The following PIK3C2G variants were observed in gnomAD, a reference collection of about 807,000 sequenced individuals.
PIK3C2G encodes the protein phosphatidylinositol 3-kinase C2 domain-containing subunit gamma.
In PIK3C2G, 168 loss-of-function variants were observed where a neutral mutation model predicts 181.1. That is an observed-to-expected ratio of 0.93 (90% CI 0.82 to 1.05). The LOEUF (loss-of-function observed/expected upper bound fraction) is 1.05, where lower values mean the gene tolerates loss of function less well. Among genes scored for constraint, PIK3C2G ranks in the 50% least tolerant of loss-of-function variants. PIK3C2G has a pLI of 0.00. For missense variants in PIK3C2G, 1,869 were observed against 1,732.8 expected (o/e 1.08, Z -1.40); for synonymous variants, 573 against 592.2 (o/e 0.97, Z 0.47).
At chr12:18,311,380 T>C (rs895667976) in intron 5 of PIK3C2G, among the ~76,000 whole-genome samples, 2 of 152,078 alleles carry the variant, frequency 1.3e-5, no homozygotes, top group Non-Finnish European at 2.9e-5. Context: ...ATTTTATATG[T>C]AGTTATATGA....
intron 14 of PIK3C2G, among the ~76,000 whole-genome samples, chr12:18,389,218 TG>T (rs2138034162): frequency 6.6e-6 from 1 of 152,134 alleles, no homozygotes; most frequent in South Asian, 2.1e-4. Flanking sequence ...CTGGGTGTGG[TG>T]GTGGGCACCT....
At chr12:18,653,383 T>C (rs1411902405), downstream of PIK3C2G, among the ~76,000 whole-genome samples, 3 of 152,204 alleles carry the variant, frequency 2.0e-5, no homozygotes, top group Admixed American at 1.3e-4. Flanking sequence ...ATGTATATAT[T>C]ATTTCCTAGC....
the PIK3C2G span, chr12:18,683,200 G>A: frequency 2.6e-6 from 4 of 1,547,042 alleles, no homozygotes; most frequent in South Asian, 4.5e-5. Flanking sequence ...CTGTTTTATT[G>A]CGATGCATAG....
chr12:18,452,504 T>A (rs898353535), intron 18 of PIK3C2G, among the ~76,000 whole-genome samples: 40 of 151,290 alleles, frequency 2.6e-4, no homozygotes, highest in East Asian at 7.8e-4. Context: ...AATCTTTTTT[T>A]AAAAAAAAAC....
intron 26 of PIK3C2G, among the ~76,000 whole-genome samples, chr12:18,552,483 T>C (rs961157371): frequency 6.6e-6 from 1 of 152,062 alleles, no homozygotes; most frequent in Non-Finnish European, 1.5e-5. Context: ...AGCTTAACAA[T>C]TGATACCTAC....
intron 8 of PIK3C2G, among the ~76,000 whole-genome samples, chr12:18,328,172 T>G (rs1951430991): frequency 6.6e-6 from 1 of 151,902 alleles, no homozygotes; most frequent in African/African-American, 2.4e-5. Context: ...AAATGTGGTT[T>G]AGCTTCATGA....
chr12:18,322,530 C>A (rs1951159055), intron 7 of PIK3C2G, among the ~76,000 whole-genome samples: 1 of 151,876 alleles, frequency 6.6e-6, no homozygotes, highest in Non-Finnish European at 1.5e-5. Flanking sequence ...ATTATCTCAT[C>A]TAATTCTTTC....
intron 31 of PIK3C2G, among the ~76,000 whole-genome samples, chr12:18,634,299 A>T (rs1271263064): frequency 2.6e-5 from 4 of 152,188 alleles, no homozygotes; most frequent in African/African-American, 7.2e-5. Flanking sequence ...GATAAAGGAT[A>T]AGTTGTTGCA....
At chr12:18,390,427 G>T (rs1943463114) in intron 14 of PIK3C2G, among the ~76,000 whole-genome samples, 1 of 152,042 alleles carries the variant, frequency 6.6e-6, no homozygotes, top group Admixed American at 6.6e-5. Flanking sequence ...ACATAGCCTG[G>T]AACTGTCTTT....
At chr12:18,570,092 A>G (rs373331507) in intron 29 of PIK3C2G, among the ~76,000 whole-genome samples, 2 of 152,094 alleles carry the variant, frequency 1.3e-5, no homozygotes, top group Non-Finnish European at 2.9e-5. Context: ...AACATACCCT[A>G]CCTCAATGTC....
chr12:18,447,805 T>C (rs1947111811), intron 18 of PIK3C2G, among the ~76,000 whole-genome samples: 1 of 152,170 alleles, frequency 6.6e-6, no homozygotes, highest in South Asian at 2.1e-4. Context: ...TCCACTAGTA[T>C]GAAAGAACAA....
intron 1 of PIK3C2G, among the ~76,000 whole-genome samples, chr12:18,254,478 ATTTT>A (rs1948124354): frequency 6.6e-6 from 1 of 151,942 alleles, no homozygotes; most frequent in Non-Finnish European, 1.5e-5. Context: ...AAACATATAT[ATTTT>A]ATTATAATTT....
chr12:18,331,273 T>C (rs1257533520), intron 8 of PIK3C2G, among the ~76,000 whole-genome samples: 5 of 152,148 alleles, frequency 3.3e-5, no homozygotes, highest in Non-Finnish European at 7.4e-5. Context: ...CTTGATATTT[T>C]AAAAAATTGT....
chr12:18,420,138 C>T (rs1398759928), intron 16 of PIK3C2G, among the ~76,000 whole-genome samples: 1 of 151,942 alleles, frequency 6.6e-6, no homozygotes, highest in African/African-American at 2.4e-5. Context: ...ATTAATTCTT[C>T]TTACCAAAGC....
chr12:18,320,827 G>C, intron 6 of PIK3C2G, 135 bp from the exon 7 acceptor site: 1 of 600,300 alleles, frequency 1.7e-6, no homozygotes, highest in Non-Finnish European at 3.0e-6. Context: ...AGGTCTTTCA[G>C]ACAGAATATA....
At position 18,420,935 on chromosome 12, in the gene PIK3C2G, T is replaced by C; in HGVS notation, c.2316-6T>C. Reference sequence around the variant, plus strand: ...CAGCTTAGTGGATATATTTACTGTGTATTAGTTTTCCAGATCAAGAAATTC... The same window carrying C: ...CAGCTTAGTGGATATATTTACTGTGCATTAGTTTTCCAGATCAAGAAATTC... On this transcript the variant is annotated splice_polypyrimidine_tract_variant and splice_region_variant and intron_variant, in intron 16 of 32. Coordinates refer to ENST00000538779, the MANE Select transcript of PIK3C2G (RefSeq NM_001288772.2). 6.7e-7 allele frequency: 1 copy of C among 1,484,450 alleles called. No individual in the cohort carries two copies. Among genetic ancestry groups the C allele is most frequent in the Non-Finnish European group, 9.4e-7 (1 of 1,062,770 alleles). The allele number at this position is 1,484,450 out of a possible 1,614,324, so 92.0% of individuals were successfully genotyped here. A position where few individuals can be genotyped will look rare whatever the true frequency, so the allele number is the denominator to read the frequency against.
chr12:18,548,776 A>G (rs141539579), intron 26 of PIK3C2G, among the ~76,000 whole-genome samples: 203 of 152,184 alleles, frequency 1.3e-3, no homozygotes, highest in Non-Finnish European at 2.2e-3. Flanking sequence ...AAGGCATCAA[A>G]TTATGGAAAC....
intron 32 of PIK3C2G, among the ~76,000 whole-genome samples, chr12:18,647,327 G>A (rs1406173983): frequency 2.0e-5 from 3 of 151,454 alleles, no homozygotes; most frequent in East Asian, 1.9e-4. Context: ...ACCAAGGGTA[G>A]AAAAACTACC....
intron 22 of PIK3C2G, among the ~76,000 whole-genome samples, chr12:18,502,381 T>C (rs1200108570): frequency 1.3e-5 from 2 of 152,210 alleles, no homozygotes; most frequent in African/African-American, 4.8e-5. Context: ...CATATAGTTA[T>C]ATTTGTGTCC....
Sources: allele counts gnomAD v4.1 joint callset (sites outside exome capture counted in the v4.1 genomes callset), GRCh38; gene constraint gnomAD v4.1.1; transcripts MANE v1.5; gene names NCBI Gene and HGNC (gene_info 2026-07-23, HGNC 2026-07-21).